LNX1: variants seen among roughly 807,000 people sequenced by gnomAD.
LNX1 encodes ligand of numb-protein X 1.
LNX1 carries 54 observed loss-of-function variants against 68.4 expected under a neutral mutation model. The ratio of observed to expected loss-of-function variants is 0.79; its 90% CI spans 0.63 to 0.99. The LOEUF (loss-of-function observed/expected upper bound fraction) is 0.99. LNX1 is among the 50% of genes least tolerant of loss of function. The pLI is 0.00. For missense variants in LNX1, 906 were observed against 926.4 expected, an observed-to-expected ratio of 0.98 and a Z score of 0.29; for synonymous variants, 336 against 350.0, an observed-to-expected ratio of 0.96 and a Z score of 0.45.
At chr4:53,619,799 A>T (rs184141922), upstream of LNX1, among the ~76,000 whole-genome samples, 28 of 152,304 alleles carry the variant, frequency 1.8e-4, no homozygotes, top group East Asian at 3.1e-3. Context: ...CTGTTTTTCC[A>T]AAGTGGTTGC....
At chr4:53,624,461 T>C (rs1734001235) in intron 1 of LNX1, among the ~76,000 whole-genome samples, 1 of 152,232 alleles carries the variant, frequency 6.6e-6, no homozygotes, top group Admixed American at 6.5e-5. Flanking sequence ...CCATCTGCCA[T>C]GATTGTGAGT....
At chr4:53,488,854 C>T (rs1028816494) in intron 6 of LNX1, among the ~76,000 whole-genome samples, 6 of 152,108 alleles carry the variant, frequency 3.9e-5, no homozygotes, top group Admixed American at 6.5e-5. Flanking sequence ...ATCAGTCATT[C>T]CGGTTGATAT....
At chr4:53,533,616 T>A (rs1728169262) in intron 2 of LNX1, among the ~76,000 whole-genome samples, 1 of 152,148 alleles carries the variant, frequency 6.6e-6, no homozygotes, top group Admixed American at 6.5e-5. Context: ...ATCAGACTGG[T>A]CTCAAACTCC....
At chr4:53,555,879 T>A (rs1451018341) in intron 2 of LNX1, among the ~76,000 whole-genome samples, 2 of 152,192 alleles carry the variant, frequency 1.3e-5, no homozygotes, top group African/African-American at 4.8e-5. Context: ...TATGTACTTG[T>A]AGAAGAGAAA....
chr4:53,545,358 C>T (rs1191408768), intron 2 of LNX1, among the ~76,000 whole-genome samples: 2 of 152,194 alleles, frequency 1.3e-5, no homozygotes, highest in African/African-American at 4.8e-5. Context: ...CCCAACCTGG[C>T]CCTACTGAAT....
intron 1 of LNX1, among the ~76,000 whole-genome samples, chr4:53,633,666 C>T (rs1011666431): frequency 6.6e-6 from 1 of 152,060 alleles, no homozygotes; most frequent in African/African-American, 2.4e-5. Flanking sequence ...ATTTTCCTCA[C>T]GAGATGAAAA....
chr4:53,539,062 G>A (rs1176037341), intron 2 of LNX1: 1 of 152,202 alleles, frequency 6.6e-6, no homozygotes, highest in East Asian at 1.9e-4. Context: ...AGGGCTGAAT[G>A]TGTTTTAAAG....
At chr4:53,542,815 C>CA (rs1483889979) in intron 2 of LNX1, among the ~76,000 whole-genome samples, 1 of 152,250 alleles carries the variant, frequency 6.6e-6, no homozygotes, top group African/African-American at 2.4e-5. Context: ...ACACGTGACC[C>CA]AGAGTGATGT....
chr4:53,571,293 A>G (rs1350732793), intron 2 of LNX1, among the ~76,000 whole-genome samples: 12 of 152,156 alleles, frequency 7.9e-5, no homozygotes, highest in African/African-American at 2.4e-4. Flanking sequence ...TGCTGGGATT[A>G]CAGGTGTGAG....
At chr4:53,517,711 A>C (rs1267337350) in intron 2 of LNX1, among the ~76,000 whole-genome samples, 2 of 152,198 alleles carry the variant, frequency 1.3e-5, no homozygotes, top group African/African-American at 4.8e-5. Flanking sequence ...CTCCCCTTCT[A>C]AGTTAAAACC....
rs747315613 is a variant in LNX1 at position 53,460,358 on chromosome 4, A to AAAT, written c.*546_*548dup. On this transcript the variant is annotated 3_prime_UTR_variant, in exon 11 of 11. Coordinates refer to ENST00000263925, the MANE Select transcript of LNX1 (RefSeq NM_001126328.3). ...GGAGGTATTCATCGGTGATGGTAAC[A>AAAT]AATAACATGGTATTTGAAAGAATAA... 3 of 176,140 alleles carry AAAT rather than the reference A, an allele frequency of 1.7e-5. No individual in the cohort carries two copies. The highest frequency in any genetic ancestry group is 1.3e-4 in the Admixed American group (2 of 15,484). The allele number at this position is 176,140 out of a possible 1,614,324, so 10.9% of individuals were successfully genotyped here.
At chr4:53,583,554 A>G (rs1276841488) in intron 1 of LNX1, among the ~76,000 whole-genome samples, 1 of 122,398 alleles carries the variant, frequency 8.2e-6, no homozygotes, top group Non-Finnish European at 1.9e-5. Flanking sequence ...AAAATACAGA[A>G]AAAAAAAACC....
At chr4:53,629,237 T>G (rs1448516445) in intron 1 of LNX1, among the ~76,000 whole-genome samples, 1 of 151,900 alleles carries the variant, frequency 6.6e-6, no homozygotes, top group Admixed American at 6.5e-5. Context: ...GCTACCGAAA[T>G]AGAGGGGTGG....
chr4:53,581,983 C>T (rs114941612), intron 1 of LNX1, among the ~76,000 whole-genome samples: 313 of 152,226 alleles, frequency 2.1e-3, no homozygotes, highest in African/African-American at 6.3e-3. Context: ...TTAAATATTG[C>T]ATTCACATTA....
At chr4:53,621,430 A>G (rs966463948), upstream of LNX1, among the ~76,000 whole-genome samples, 1 of 152,068 alleles carries the variant, frequency 6.6e-6, no homozygotes, top group Non-Finnish European at 1.5e-5. Flanking sequence ...TTTCTCTGTA[A>G]TTTGCAGGAT....
chr4:53,557,766 G>T, intron 2 of LNX1: 1 of 1,317,024 alleles, frequency 7.6e-7, no homozygotes, highest in Non-Finnish European at 1.1e-6. Context: ...AGTGCATCTA[G>T]TATGTGTGGA....
At chr4:53,495,883 G>T (rs1377957634) in intron 6 of LNX1, 140 bp downstream of exon 6, 2 of 1,016,518 alleles carry the variant, frequency 2.0e-6, no homozygotes, top group African/African-American at 1.6e-5. Flanking sequence ...TGAAAATGTT[G>T]GTCTTTCCAT....
chr4:53,516,954 C>T (rs548483663), intron 2 of LNX1, among the ~76,000 whole-genome samples: 2 of 152,302 alleles, frequency 1.3e-5, no homozygotes, highest in African/African-American at 4.8e-5. Context: ...CCAAAGTGAA[C>T]TGCTGCCCCT....
intron 2 of LNX1, among the ~76,000 whole-genome samples, chr4:53,563,003 G>A (rs1460067674): frequency 6.6e-6 from 1 of 152,116 alleles, no homozygotes; most frequent in Non-Finnish European, 1.5e-5. Context: ...TCAGGAGATC[G>A]AGACCATTCT....
Sources: allele counts gnomAD v4.1 joint callset (sites outside exome capture counted in the v4.1 genomes callset), GRCh38; gene constraint gnomAD v4.1.1; transcripts MANE v1.5; gene names NCBI Gene and HGNC (gene_info 2026-07-23, HGNC 2026-07-21).